ANO2: variants seen among roughly 807,000 people sequenced by gnomAD.
ANO2 encodes anoctamin 2, also known as anoctamin-2.
In ANO2, 101 loss-of-function variants were observed where a neutral mutation model predicts 124.2. That is an observed-to-expected ratio of 0.81 (90% CI 0.69 to 0.96). The LOEUF (loss-of-function observed/expected upper bound fraction) is 0.96. Among genes scored for constraint, ANO2 ranks in the 40% least tolerant of loss-of-function variants. The probability of loss-of-function intolerance (pLI) is 0.00; values close to 1 mark genes in which losing one functional copy is unlikely to be tolerated. For missense variants in ANO2, 1,293 were observed against 1,274.5 expected, an observed-to-expected ratio of 1.01 and a Z score of -0.22; for synonymous variants, 486 against 482.5, an observed-to-expected ratio of 1.01 and a Z score of -0.09.
chr12:5,801,325 A>G (rs1316139138), intron 9 of ANO2, among the ~76,000 whole-genome samples: 2 of 152,260 alleles, frequency 1.3e-5, no homozygotes, highest in Non-Finnish European at 2.9e-5. Context: ...ATTAGACCTC[A>G]TCTAGGTATC....
chr12:5,701,344 T>TC (rs1949399384), intron 14 of ANO2, among the ~76,000 whole-genome samples: 3 of 152,292 alleles, frequency 2.0e-5, no homozygotes, highest in Admixed American at 2.0e-4. Flanking sequence ...GTGTGCTGAT[T>TC]CCTAATCTGA....
At chr12:5,688,000 T>A (rs1948774959) in intron 14 of ANO2, among the ~76,000 whole-genome samples, 1 of 152,228 alleles carries the variant, frequency 6.6e-6, no homozygotes, top group Admixed American at 6.5e-5. Flanking sequence ...TGAATTAGCA[T>A]CATGAACATC....
In ANO2 at chr12:5,732,620, C is replaced by A; in HGVS notation, c.1445G>T (p.Arg482Met). The A allele has an allele frequency of 6.2e-7, 1 of 1,613,470 alleles. No individual in the cohort carries two copies. The highest frequency in any genetic ancestry group is 8.5e-7 in the Non-Finnish European group (1 of 1,179,642). ...TCGAACTTTGGTTTCATACTCAGGC[C>A]TGGAATGTTCCTAAACCAAAGAGCA... The part of the protein sequence containing the change: ...TGIEEEEEHS[R>M]PEYETKVREK... The change falls in exon 14 of 25, where the codon AGG becomes ATG. Residue 482 changes from arginine to methionine, a missense_variant. Physicochemically the swap from Arg to Met is moderately conservative, Grantham distance 91. Coordinates refer to ENST00000682330, the MANE Select transcript of ANO2 (RefSeq NM_001364791.2).
At chr12:5,628,001 G>A (rs985917190) in intron 16 of ANO2, among the ~76,000 whole-genome samples, 2 of 152,178 alleles carry the variant, frequency 1.3e-5, no homozygotes, top group African/African-American at 2.4e-5. Flanking sequence ...TCAGGAGGCT[G>A]AGGTGGGAGG....
intron 16 of ANO2, among the ~76,000 whole-genome samples, chr12:5,617,665 A>G (rs1944894695): frequency 6.6e-6 from 1 of 151,782 alleles, no homozygotes; most frequent in Non-Finnish European, 1.5e-5. Flanking sequence ...CACCTTCTCC[A>G]GATTACGTCG....
At position 5,919,578 on chromosome 12, in the gene ANO2, A is replaced by G. The variant is rs1328620765; in HGVS notation, c.534+1462T>C. On this transcript the variant is annotated intron_variant, in intron 3 of 24. Coordinates refer to ENST00000682330, the MANE Select transcript of ANO2 (RefSeq NM_001364791.2). ...AGGTGCCCAAAGCAGAGAGGGCAAT[A>G]GCACAAAGACCTGAGGTCAAGGTGA... Among the ~76,000 whole-genome samples the G allele has an allele frequency of 4.0e-5, 6 of 150,706 alleles. No individual in the cohort carries two copies. In the East Asian group the frequency reaches 9.9e-4, roughly 25 times the overall value.
chr12:5,582,934 C>T (rs1942834138), intron 20 of ANO2, among the ~76,000 whole-genome samples: 1 of 152,130 alleles, frequency 6.6e-6, no homozygotes, highest in Non-Finnish European at 1.5e-5. Flanking sequence ...GAACTCGGTG[C>T]CTTGGGCATC....
intron 4 of ANO2, among the ~76,000 whole-genome samples, chr12:5,850,442 GA>G (rs1954849025): frequency 6.8e-6 from 1 of 147,922 alleles, no homozygotes. Context: ...AAGAAAGAAA[GA>G]AAAGGAAGAT....
intron 5 of ANO2, among the ~76,000 whole-genome samples, chr12:5,830,731 A>C (rs1954124551): frequency 6.6e-6 from 1 of 152,238 alleles, no homozygotes; most frequent in African/African-American, 2.4e-5. Context: ...ATGCTTATTG[A>C]AAAGGTATTT....
chr12:5,635,422 A>G lies in ANO2; in HGVS notation c.1621-75T>C. The G allele has an allele frequency of 8.5e-7, 1 of 1,178,926 alleles. No individual in the cohort carries two copies. The highest frequency in any genetic ancestry group is 2.0e-5 in the South Asian group (1 of 50,514). 73.0% of individuals were successfully genotyped at this position (1,178,926 alleles called of 1,614,324 possible). On this transcript the variant is annotated intron_variant, in intron 15 of 24. Coordinates refer to ENST00000682330, the MANE Select transcript of ANO2 (RefSeq NM_001364791.2). The surrounding 1 kb of genome is among the most constrained non-coding windows in gnomAD (Gnocchi z 5.2). The stretch of plus-strand genomic sequence containing the variant: ...ACCTACTATTTGCTCTGCCAACAGT[A>G]CCATTTGCTGTTATCAGATATTATT...
chr12:5,878,575 TAACATAGACAAACATAGAC>T (rs1212174720), intron 3 of ANO2, among the ~76,000 whole-genome samples: 1 of 152,196 alleles, frequency 6.6e-6, no homozygotes, highest in East Asian at 1.9e-4. Context: ...TGGATTCAAA[TAACATAGACAAACATAGAC>T]AACATAGACA....
intron 14 of ANO2, among the ~76,000 whole-genome samples, chr12:5,692,024 T>A (rs1948966143): frequency 6.6e-6 from 1 of 152,104 alleles, no homozygotes; most frequent in South Asian, 2.1e-4. Flanking sequence ...TCTGGTGGGT[T>A]TTATGTGGGC....
rs142253667 is a variant in ANO2 at position 5,788,715 on chromosome 12, C to T, written c.1055+10792G>A. ...CTGGGATTACAGGCACCCGCCACCA[C>T]ACCCAGCTAATTTTTGTAGTTTTAG... On this transcript the variant is annotated intron_variant, in intron 10 of 24. Coordinates refer to ENST00000682330, the MANE Select transcript of ANO2 (RefSeq NM_001364791.2). Among the ~76,000 whole-genome samples, 527 of 152,274 alleles carry T rather than the reference C, an allele frequency of 3.5e-3. 2 individuals are homozygous for T. Among genetic ancestry groups the T allele is most frequent in the African/African-American group, 0.012 (500 of 41,558 alleles).
chr12:5,668,988 C>T (rs1220347260), intron 14 of ANO2, among the ~76,000 whole-genome samples: 1 of 151,866 alleles, frequency 6.6e-6, no homozygotes, highest in African/African-American at 2.4e-5. Context: ...GTGATGCCTC[C>T]AGCTTTGCTC....
At chr12:5,754,687 G>C (rs1170485803) in intron 10 of ANO2, among the ~76,000 whole-genome samples, 1 of 152,024 alleles carries the variant, frequency 6.6e-6, no homozygotes, top group African/African-American at 2.4e-5. Flanking sequence ...ATGGTTCTAA[G>C]CATTTATCCA....
At chr12:5,739,973 T>C in intron 12 of ANO2, 1 of 456,054 alleles carries the variant, frequency 2.2e-6, no homozygotes, top group Non-Finnish European at 4.4e-6. Flanking sequence ...CTCTGTAAAG[T>C]AGTATGCATT....
chr12:5,606,483 A>G (rs116878141), intron 19 of ANO2, among the ~76,000 whole-genome samples: 3,627 of 152,292 alleles, frequency 0.024, 73 homozygotes, highest in Non-Finnish European at 0.031. Context: ...TTTAATAATA[A>G]TGGTTTGTTT....
chr12:5,775,790 C>A (rs1952217830), intron 10 of ANO2, among the ~76,000 whole-genome samples: 1 of 152,164 alleles, frequency 6.6e-6, no homozygotes, highest in Non-Finnish European at 1.5e-5. Flanking sequence ...CCATGATAGA[C>A]CTCTTTTGCC....
intron 15 of ANO2, among the ~76,000 whole-genome samples, chr12:5,643,036 A>G (rs1369801354): frequency 6.6e-6 from 1 of 151,206 alleles, no homozygotes; most frequent in East Asian, 1.9e-4. Context: ...TTTAAATTTT[A>G]TTGTGAACAT....
Sources: allele counts gnomAD v4.1 joint callset (sites outside exome capture counted in the v4.1 genomes callset), GRCh38; gene constraint gnomAD v4.1.1; non-coding constraint Gnocchi (gnomAD v3.1); transcripts MANE v1.5; gene names NCBI Gene and HGNC (gene_info 2026-07-23, HGNC 2026-07-21).